Variants in KCNQ3 observed in about 807,000 individuals in gnomAD.
KCNQ3 encodes potassium voltage-gated channel subfamily Q member 3.
A neutral mutation model predicts 92.5 loss-of-function variants in KCNQ3; 30 were observed. The observed-to-expected ratio is 0.32, with a 90% CI of 0.24 to 0.44. The LOEUF (loss-of-function observed/expected upper bound fraction) is 0.44, where lower values mean the gene tolerates loss of function less well. Ranked by LOEUF, KCNQ3 falls within the 20% of genes least tolerant of loss-of-function variation. The pLI, the probability that KCNQ3 is intolerant of heterozygous loss-of-function variation, is 1.00. For missense variants in KCNQ3, 913 were observed against 1,140.3 expected (o/e 0.80, Z 2.87); for synonymous variants, 450 against 468.8 (o/e 0.96, Z 0.52).
intron 1 of KCNQ3, among the ~76,000 whole-genome samples, chr8:132,266,269 G>A (rs997855045): frequency 6.6e-6 from 1 of 152,166 alleles, no homozygotes; most frequent in African/African-American, 2.4e-5. Flanking sequence ...ATCAAACAAC[G>A]TAAATGATGG....
chr8:132,333,203 T>C (rs1319751688), intron 1 of KCNQ3, among the ~76,000 whole-genome samples: 3 of 152,172 alleles, frequency 2.0e-5, no homozygotes, highest in African/African-American at 4.8e-5. Flanking sequence ...CAATTCCTCA[T>C]GGCCTAAAGC....
intron 1 of KCNQ3, among the ~76,000 whole-genome samples, chr8:132,355,768 G>C (rs748296386): frequency 1.6e-4 from 24 of 152,088 alleles, no homozygotes; most frequent in Non-Finnish European, 2.9e-4. Flanking sequence ...CCTAGTCTTC[G>C]GAAAACACAG....
At chr8:132,379,413 A>G (rs1317169863) in intron 1 of KCNQ3, among the ~76,000 whole-genome samples, 1 of 152,054 alleles carries the variant, frequency 6.6e-6, no homozygotes, top group East Asian at 1.9e-4. Flanking sequence ...TGAGGGTCTA[A>G]GTTTCTTCTC....
intron 1 of KCNQ3, among the ~76,000 whole-genome samples, chr8:132,304,443 C>T (rs990274425): frequency 6.6e-6 from 1 of 152,206 alleles, no homozygotes; most frequent in Non-Finnish European, 1.5e-5. Context: ...GTCATCTTAA[C>T]TTCTCCAGGG....
At chr8:132,456,756 C>T (rs369719631) in intron 1 of KCNQ3, among the ~76,000 whole-genome samples, 138 of 151,896 alleles carry the variant, frequency 9.1e-4, no homozygotes, top group Admixed American at 2.4e-3. Flanking sequence ...GGACTACAGG[C>T]GCCCGCCACA....
At chr8:132,187,570 C>G (rs1307933808) in intron 1 of KCNQ3, among the ~76,000 whole-genome samples, 1 of 152,138 alleles carries the variant, frequency 6.6e-6, no homozygotes, top group African/African-American at 2.4e-5. Flanking sequence ...GACTTTAACC[C>G]ATGTTTGATA....
At chr8:132,449,200 T>C (rs1821764812) in intron 1 of KCNQ3, among the ~76,000 whole-genome samples, 1 of 152,166 alleles carries the variant, frequency 6.6e-6, no homozygotes, top group African/African-American at 2.4e-5. Flanking sequence ...TCATTGTGAA[T>C]TTTAGGTGTC....
intron 9 of KCNQ3, among the ~76,000 whole-genome samples, chr8:132,146,942 G>A (rs897333376): frequency 6.6e-6 from 1 of 151,100 alleles, no homozygotes; most frequent in Non-Finnish European, 1.5e-5. Flanking sequence ...AGAGGCGTGA[G>A]CTGTTGCCCC....
intron 1 of KCNQ3, among the ~76,000 whole-genome samples, chr8:132,268,327 C>A (rs529223112): frequency 6.6e-6 from 1 of 152,108 alleles, no homozygotes; most frequent in Non-Finnish European, 1.5e-5. Flanking sequence ...CCCAGCAGCG[C>A]GATCTTGGCT....
intron 14 of KCNQ3, among the ~76,000 whole-genome samples, chr8:132,131,915 C>T (rs1056551230): frequency 1.3e-5 from 2 of 151,966 alleles, no homozygotes; most frequent in Non-Finnish European, 2.9e-5. Context: ...TGGTGAAACC[C>T]CATCTCTACT....
At position 132,277,214 on chromosome 8, in the gene KCNQ3, C is replaced by T. The variant is rs1395104317; in HGVS notation, c.387-91033G>A. Among the ~76,000 whole-genome samples, 3 of 152,000 alleles carry T rather than the reference C, an allele frequency of 2.0e-5. No homozygotes were observed. In the East Asian group the frequency reaches 5.8e-4, roughly 29 times the overall value. On this transcript the variant is annotated intron_variant, in intron 1 of 14. Coordinates refer to ENST00000388996, the MANE Select transcript of KCNQ3 (RefSeq NM_004519.4). The stretch of plus-strand genomic sequence containing the variant: ...CATCATTTCACAAATTAAAACAAAA[C>T]AAAACAAAAACTGGGATTCAGAGAT...
chr8:132,271,000 G>A (rs956260501), intron 1 of KCNQ3, among the ~76,000 whole-genome samples: 1 of 152,194 alleles, frequency 6.6e-6, no homozygotes, highest in Non-Finnish European at 1.5e-5. Context: ...TAGTGACTAA[G>A]AAAAGACAAG....
chr8:132,445,168 TG>T (rs1821642672), intron 1 of KCNQ3, among the ~76,000 whole-genome samples: 1 of 152,202 alleles, frequency 6.6e-6, no homozygotes, highest in Admixed American at 6.5e-5. Context: ...GACTGACATT[TG>T]GAGCCAAGTC....
chr8:132,288,619 T>C (rs899517776), intron 1 of KCNQ3, among the ~76,000 whole-genome samples: 5 of 152,196 alleles, frequency 3.3e-5, no homozygotes, highest in African/African-American at 1.2e-4. Context: ...TGGCATTGTA[T>C]TGTTTCCACT....
Position 132,195,219 on chromosome 8 carries a change from T to C in KCNQ3, c.387-9038A>G, listed in dbSNP as rs187894299. On this transcript the variant is annotated intron_variant, in intron 1 of 14. Coordinates refer to ENST00000388996, the MANE Select transcript of KCNQ3 (RefSeq NM_004519.4). ...GAGGTGTTAGGCACTATAAACCATG[T>C]TGGCAAATGTCAGACTTTTATAAAA... 1.7e-4 allele frequency among the ~76,000 whole-genome samples: 26 copies of C among 152,368 alleles called. 1 individual carries two copies. In the East Asian group the frequency reaches 4.4e-3, roughly 26 times the overall value.
intron 9 of KCNQ3, among the ~76,000 whole-genome samples, chr8:132,152,674 A>C (rs1825676412): frequency 6.6e-6 from 1 of 152,192 alleles, no homozygotes; most frequent in African/African-American, 2.4e-5. Context: ...GTCCCTGTAC[A>C]GGGTTCCTGA....
rs371365317 is a variant in KCNQ3, at chr8:132,415,219, C to T, written c.386+64928G>A. On this transcript the variant is annotated intron_variant, in intron 1 of 14. Coordinates refer to ENST00000388996, the MANE Select transcript of KCNQ3 (RefSeq NM_004519.4). ...CTTTCATTTCTACTCCTGCAGCCTG[C>T]GTTTCCTCCCAGGTCTGCTCCTCAG... Among the ~76,000 whole-genome samples the T allele has an allele frequency of 2.4e-4, 37 of 152,342 alleles. No individual in the cohort carries two copies. The South Asian group carries it at 6.0e-3, about 25-fold the overall frequency.
intron 1 of KCNQ3, among the ~76,000 whole-genome samples, chr8:132,412,259 G>A (rs746328663): frequency 1.3e-5 from 2 of 152,272 alleles, no homozygotes; most frequent in East Asian, 3.9e-4. Context: ...TGCAAACTTT[G>A]TAGCTCCCCC....
At chr8:132,360,736 C>A (rs946663173) in intron 1 of KCNQ3, among the ~76,000 whole-genome samples, 2 of 152,222 alleles carry the variant, frequency 1.3e-5, no homozygotes, top group Non-Finnish European at 2.9e-5. Flanking sequence ...GTAATGTTCA[C>A]GGTCCATACC....
Sources: gnomAD v4.1 joint callset for allele counts (sites outside exome capture counted in the v4.1 genomes callset) on GRCh38, gnomAD v4.1.1 for gene constraint, MANE v1.5 for transcripts, NCBI Gene and HGNC (gene_info 2026-07-23, HGNC 2026-07-21) for gene names.